The following MAP3K13 variants were observed in gnomAD, a reference collection of about 807,000 sequenced individuals.
The protein encoded by MAP3K13 is leucine zipper-bearing kinase.
MAP3K13 carries 52 observed loss-of-function variants against 104.0 expected under a neutral mutation model. The observed-to-expected ratio is 0.50, with a 90% CI of 0.40 to 0.63. The LOEUF (loss-of-function observed/expected upper bound fraction) is 0.63, where lower values mean the gene tolerates loss of function less well. Ranked by LOEUF, MAP3K13 falls within the 20% of genes least tolerant of loss-of-function variation. MAP3K13 has a pLI of 0.00. For missense variants in MAP3K13, 914 were observed against 1,218.5 expected (o/e 0.75, Z 3.72); for synonymous variants, 394 against 442.2 (o/e 0.89, Z 1.37).
chr3:185,392,195 T>G (rs1712100941), intron 1 of MAP3K13, among the ~76,000 whole-genome samples: 1 of 152,216 alleles, frequency 6.6e-6, no homozygotes, highest in Non-Finnish European at 1.5e-5. Context: ...ATTATACAGC[T>G]GCTTAAGTAA....
At chr3:185,480,803 A>G (rs1012159433) in intron 13 of MAP3K13, among the ~76,000 whole-genome samples, 4 of 152,190 alleles carry the variant, frequency 2.6e-5, no homozygotes, top group Non-Finnish European at 4.4e-5. Flanking sequence ...GGAAGCAAGC[A>G]TGTCTTCACA....
chr3:185,292,987 T>A, intron 2 of MAP3K13: 1 of 985,096 alleles, frequency 1.0e-6, no homozygotes, highest in Non-Finnish European at 1.2e-6. Context: ...GTGGTAAGAA[T>A]AAAAAATTGT....
intron 7 of MAP3K13, among the ~76,000 whole-genome samples, chr3:185,453,515 A>G (rs967090203): frequency 6.6e-5 from 10 of 152,052 alleles, no homozygotes; most frequent in African/African-American, 2.4e-4. Context: ...GTCCTTAAAT[A>G]TGCTTTTCAC....
At chr3:185,287,543 G>A (rs1229175736) in intron 2 of MAP3K13, among the ~76,000 whole-genome samples, 2 of 152,042 alleles carry the variant, frequency 1.3e-5, no homozygotes, top group African/African-American at 4.8e-5. Flanking sequence ...CACTTTTATT[G>A]TAGGATATTT....
intron 2 of MAP3K13, among the ~76,000 whole-genome samples, chr3:185,296,188 G>A (rs1405020665): frequency 6.6e-6 from 1 of 152,200 alleles, no homozygotes; most frequent in African/African-American, 2.4e-5. Context: ...AGGCTGCGGT[G>A]AGCCATGATT....
intron 1 of MAP3K13, among the ~76,000 whole-genome samples, chr3:185,397,814 T>C (rs1712516962): frequency 6.6e-6 from 1 of 152,120 alleles, no homozygotes. Context: ...AGCCAGGGGC[T>C]TTTTTATATT....
Position 185,483,523 on chromosome 3 carries a change from C to T in MAP3K13, c.*1067C>T, listed in dbSNP as rs1718573643. On this transcript the variant is annotated 3_prime_UTR_variant, in exon 14 of 14. Transcript: ENST00000265026. ...ATAAAACTCCATTCTCAGGATCACT[C>T]AGTTCAGCTACGAGGAGAAGATGGA... 8.8e-6 allele frequency: 2 copies of T among 226,622 alleles called. No individual in the cohort carries two copies. Among genetic ancestry groups the T allele is most frequent in the East Asian group, 6.3e-5 (1 of 15,762 alleles). 14.0% of individuals were successfully genotyped at this position (226,622 alleles called of 1,614,324 possible).
intron 1 of MAP3K13, among the ~76,000 whole-genome samples, chr3:185,415,872 T>G (rs913320413): frequency 5.3e-5 from 8 of 152,128 alleles, no homozygotes; most frequent in Non-Finnish European, 8.8e-5. Flanking sequence ...TGTGAGCCAC[T>G]GCTCCCGGCC....
intron 7 of MAP3K13, among the ~76,000 whole-genome samples, chr3:185,455,635 GAT>G (rs1716586582): frequency 1.5e-4 from 2 of 13,674 alleles, no homozygotes; most frequent in East Asian, 1.9e-3. Context: ...ATATATATAT[GAT>G]ATATATGAGA....
At chr3:185,429,786 T>C (rs920520959) in intron 2 of MAP3K13, among the ~76,000 whole-genome samples, 5 of 152,204 alleles carry the variant, frequency 3.3e-5, no homozygotes, top group Non-Finnish European at 5.9e-5. Context: ...ACTTAGATTA[T>C]AGTAAAAAGG....
At chr3:185,421,621 CCTT>C (rs1005212592) in intron 1 of MAP3K13, among the ~76,000 whole-genome samples, 2 of 152,170 alleles carry the variant, frequency 1.3e-5, no homozygotes, top group African/African-American at 4.8e-5. Flanking sequence ...CTTTCTGTCT[CCTT>C]CTAATTTATA....
intron 2 of MAP3K13, among the ~76,000 whole-genome samples, chr3:185,327,120 A>G (rs1053153897): frequency 6.6e-6 from 1 of 152,126 alleles, no homozygotes; most frequent in Non-Finnish European, 1.5e-5. Context: ...CTCTGGGGAA[A>G]AATCAGTTTC....
intron 2 of MAP3K13, among the ~76,000 whole-genome samples, chr3:185,298,798 A>G (rs939211774): frequency 1.3e-5 from 2 of 152,206 alleles, no homozygotes; most frequent in African/African-American, 4.8e-5. Context: ...CCATATAGTG[A>G]GGACAAAAAA....
intron 7 of MAP3K13, among the ~76,000 whole-genome samples, chr3:185,457,538 C>A (rs9831272): frequency 0.59 from 89,624 of 151,932 alleles, 27,726 homozygotes; most frequent in Middle Eastern, 0.72. Flanking sequence ...GATAAGGGCA[C>A]TTTTCTCATT....
Position 185,414,448 on chromosome 3 carries a change from C to T in MAP3K13, c.-85-14049C>T, listed in dbSNP as rs528017085. Among the ~76,000 whole-genome samples, 4 of 152,278 alleles carry T rather than the reference C, an allele frequency of 2.6e-5. No homozygotes were observed. In the South Asian group the frequency reaches 6.2e-4, roughly 24 times the overall value. On this transcript the variant is annotated intron_variant, in intron 1 of 13. Coordinates refer to ENST00000265026, the MANE Select transcript of MAP3K13 (RefSeq NM_004721.5). Reference sequence around the variant, plus strand: ...ATTCTACTCTTACAAACTTATGAGACTTAGTTGTTTATCTTGAAAAATAGA... The same window carrying T: ...ATTCTACTCTTACAAACTTATGAGATTTAGTTGTTTATCTTGAAAAATAGA...
At chr3:185,414,714 TA>T (rs1713644050) in intron 1 of MAP3K13, among the ~76,000 whole-genome samples, 1 of 152,284 alleles carries the variant, frequency 6.6e-6, no homozygotes, top group African/African-American at 2.4e-5. Context: ...CCCTAAATAT[TA>T]AACTGGCAAT....
At chr3:185,409,581 C>T (rs577460282) in intron 1 of MAP3K13, among the ~76,000 whole-genome samples, 89 of 152,130 alleles carry the variant, frequency 5.9e-4, no homozygotes, top group African/African-American at 2.0e-3. Context: ...ATGAGCGTTC[C>T]TCAAAAAAAC....
chr3:185,291,793 A>G (rs1296790770), intron 2 of MAP3K13: 18 of 1,373,954 alleles, frequency 1.3e-5, no homozygotes, highest in Non-Finnish European at 1.5e-5. Context: ...ATCCATTAAT[A>G]CATTCCATTT....
chr3:185,319,035 C>T (rs1407751918), intron 2 of MAP3K13, among the ~76,000 whole-genome samples: 1 of 151,890 alleles, frequency 6.6e-6, no homozygotes, highest in Non-Finnish European at 1.5e-5. Flanking sequence ...TCTATATATC[C>T]CTAAACAGTA....
Sources: gnomAD v4.1 joint callset for allele counts (sites outside exome capture counted in the v4.1 genomes callset) on GRCh38, gnomAD v4.1.1 for gene constraint, MANE v1.5 for transcripts, NCBI Gene and HGNC (gene_info 2026-07-23, HGNC 2026-07-21) for gene names.